Variants in TRIM63 observed in about 807,000 individuals in gnomAD.
The protein encoded by TRIM63 is tripartite motif containing 63.
Under a neutral mutation model 46.0 loss-of-function variants are expected in TRIM63, and 48 were observed. The observed-to-expected ratio is 1.04, with a 90% CI of 0.83 to 1.33. TRIM63 has a LOEUF of 1.33. Ranked by LOEUF, TRIM63 falls within the 40% of genes most tolerant of loss-of-function variation. The pLI is 0.00. For missense variants in TRIM63, 455 were observed against 441.2 expected, an observed-to-expected ratio of 1.03 and a Z score of -0.28; for synonymous variants, 175 against 162.8, an observed-to-expected ratio of 1.08 and a Z score of -0.57.
intron 1 of TRIM63, 27 bp from the exon 2 acceptor site, chr1:26,066,467 G>A (rs2050679521): frequency 6.5e-7 from 1 of 1,535,950 alleles, no homozygotes; most frequent in South Asian, 1.2e-5. Context: ...TCAAGGTGAG[G>A]CCTGGGCTCC....
chr1:26,061,125 A>C, intron 3 of TRIM63, 41 bp downstream of exon 3: 1 of 1,600,352 alleles, frequency 6.2e-7, no homozygotes, highest in African/African-American at 1.3e-5. Context: ...GGCCGTGCCC[A>C]GCAGGCCCAG....
intron 7 of TRIM63, 118 bp from the exon 8 acceptor site, chr1:26,054,082 C>T (rs1408357264): frequency 2.3e-5 from 15 of 659,424 alleles, no homozygotes; most frequent in South Asian, 1.5e-4. Flanking sequence ...TCGGGTCAAA[C>T]GGCCACACAG....
chr1:26,054,296 G>A (rs528804918), intron 7 of TRIM63, among the ~76,000 whole-genome samples: 6 of 152,330 alleles, frequency 3.9e-5, no homozygotes, highest in Non-Finnish European at 5.9e-5. Context: ...CACATCTCTC[G>A]GGTAGGCAGA....
chr1:26,066,560 G>C (rs1419744087), intron 1 of TRIM63, 120 bp from the exon 2 acceptor site: 1 of 878,726 alleles, frequency 1.1e-6, no homozygotes, highest in Non-Finnish European at 1.7e-6. Flanking sequence ...TAACAACCTG[G>C]AGCTCTGCAG....
chr1:26,066,155 T>C, intron 2 of TRIM63, 113 bp downstream of exon 2: 1 of 1,228,180 alleles, frequency 8.1e-7, no homozygotes, highest in Non-Finnish European at 1.2e-6. Context: ...GTGTAGCTAG[T>C]CCAGCTAGAG....
Position 26,065,001 on chromosome 1 carries a change from T to TTTGTG in TRIM63, c.332+1262_332+1266dup, listed in dbSNP as rs1376044165. ...CCTGGAGCTGTGTCTCTCCCAAATTTTTGTGTTGTGTTGTGTTGTGTGTGT... is the reference window on the plus strand; with the variant it reads ...CCTGGAGCTGTGTCTCTCCCAAATTTTTGTGTTGTGTTGTGTTGTGTTGTGTGTGT... On this transcript the variant is annotated intron_variant, in intron 2 of 8. Transcript: ENST00000374272. Among the ~76,000 whole-genome samples, 29 of 151,480 alleles carry TTTGTG rather than the reference T, an allele frequency of 1.9e-4. No individual in the cohort carries two copies. In the South Asian group the frequency reaches 3.5e-3, roughly 18 times the overall value.
At chr1:26,052,421 T>TG (rs903150389) in intron 8 of TRIM63, among the ~76,000 whole-genome samples, 3 of 151,944 alleles carry the variant, frequency 2.0e-5, no homozygotes, top group African/African-American at 7.3e-5. Context: ...CTGGTGGTGG[T>TG]GGGGCTGGGC....
intron 1 of TRIM63, among the ~76,000 whole-genome samples, chr1:26,067,009 G>T (rs1362754813): frequency 4.6e-5 from 7 of 151,978 alleles, no homozygotes; most frequent in African/African-American, 7.3e-5. Context: ...CAGCCCCAGG[G>T]GTCTGGTTTC....
intron 2 of TRIM63, among the ~76,000 whole-genome samples, chr1:26,066,040 T>A (rs2050673689): frequency 6.6e-6 from 1 of 152,224 alleles, no homozygotes. Flanking sequence ...TGTCTTGGTA[T>A]TGCCTGGAAG....
chr1:26,066,293 CG>C lies in TRIM63; in HGVS notation c.306del (p.Ile102MetfsTer69). ...LQRNLLVENI[I>X]DIYKQECSSR... The stretch of plus-strand genomic sequence containing the variant: ...CTGGAGCACTCCTGTTTGTAGATGT[CG>C]ATGATGTTCTCCACCAGCAGGTTCC... On this transcript the variant is annotated frameshift_variant, in exon 2 of 9. Coordinates refer to ENST00000374272, the MANE Select transcript of TRIM63 (RefSeq NM_032588.4). LOFTEE classifies it high-confidence loss of function. 6.2e-7 allele frequency: 1 copy of C among 1,614,078 alleles called. No homozygotes were observed. The highest frequency in any genetic ancestry group is 8.5e-7 in the Non-Finnish European group (1 of 1,180,028).
chr1:26,058,240 A>G, intron 5 of TRIM63, 150 bp downstream of exon 5: 1 of 664,546 alleles, frequency 1.5e-6, no homozygotes, highest in Non-Finnish European at 2.7e-6. Context: ...GGGGTGTTAC[A>G]TGCCCATTTG....
intron 2 of TRIM63, among the ~76,000 whole-genome samples, chr1:26,062,385 T>A (rs571568802): frequency 3.2e-4 from 48 of 152,320 alleles, no homozygotes; most frequent in Middle Eastern, 6.8e-3. Context: ...ACAATTTTTT[T>A]AAAAAAGAAT....
intron 8 of TRIM63, 42 bp downstream of exon 8, chr1:26,053,851 T>A: frequency 1.4e-6 from 2 of 1,444,816 alleles, no homozygotes; most frequent in South Asian, 2.3e-5. Context: ...TGTTGTGGAA[T>A]GAATGAAGGA....
chr1:26,056,422 A>G (rs1229052804), intron 7 of TRIM63, among the ~76,000 whole-genome samples: 1 of 152,212 alleles, frequency 6.6e-6, no homozygotes, highest in Non-Finnish European at 1.5e-5. Flanking sequence ...GGCAATAACT[A>G]GTACATCTTT....
chr1:26,061,074 C>G (rs2050621147), intron 3 of TRIM63, 92 bp downstream of exon 3: 1 of 1,382,860 alleles, frequency 7.2e-7, no homozygotes, highest in Admixed American at 2.1e-5. Context: ...AAGGCCAGAT[C>G]AGCAGATCTA....
chr1:26,067,169 G>A (rs1484426009), intron 1 of TRIM63, among the ~76,000 whole-genome samples, 167 bp downstream of exon 1: 7 of 151,820 alleles, frequency 4.6e-5, no homozygotes, highest in African/African-American at 1.7e-4. Flanking sequence ...GCAGCAGCCA[G>A]AGCCGCCTCC....
At chr1:26,057,376 T>G (rs2050582845) in intron 6 of TRIM63, 49 bp from the exon 7 acceptor site, 11 of 1,604,054 alleles carry the variant, frequency 6.9e-6, no homozygotes, top group East Asian at 4.5e-5. Flanking sequence ...TGGGGCTCAG[T>G]GCAGGGAAGA....
intron 2 of TRIM63, among the ~76,000 whole-genome samples, chr1:26,064,059 G>T (rs1218022370): frequency 2.0e-5 from 3 of 152,244 alleles, no homozygotes; most frequent in Non-Finnish European, 2.9e-5. Context: ...ACTTTGGGAG[G>T]CCAAGGCGGG....
chr1:26,058,894 A>G (rs111278110), intron 4 of TRIM63, among the ~76,000 whole-genome samples: 4,142 of 152,236 alleles, frequency 0.027, 83 homozygotes, highest in Non-Finnish European at 0.041. Flanking sequence ...GTCACATGAC[A>G]CAACATGTTC....
Sources: allele counts gnomAD v4.1 joint callset (sites outside exome capture counted in the v4.1 genomes callset), GRCh38; gene constraint gnomAD v4.1.1; transcripts MANE v1.5; gene names NCBI Gene and HGNC (gene_info 2026-07-23, HGNC 2026-07-21).